The following SCN3A variants were observed in gnomAD, a reference collection of about 807,000 sequenced individuals.
The protein encoded by SCN3A is sodium channel protein type 3 subunit alpha.
Under a neutral mutation model 187.6 loss-of-function variants are expected in SCN3A, and 60 were observed. The ratio of observed to expected loss-of-function variants is 0.32; its 90% CI spans 0.26 to 0.40. The LOEUF (loss-of-function observed/expected upper bound fraction) is 0.40. SCN3A is among the 10% of genes least tolerant of loss of function. The pLI is 1.00. For synonymous variants in SCN3A, 788 were observed against 829.2 expected (o/e 0.95, Z 0.85); for missense variants, 1,601 against 2,428.2 (o/e 0.66, Z 7.16).
At chr2:165,145,743 T>G (rs746491692) in intron 12 of SCN3A, among the ~76,000 whole-genome samples, 3 of 152,000 alleles carry the variant, frequency 2.0e-5, no homozygotes, top group Non-Finnish European at 4.4e-5. Context: ...TGATTTGCAG[T>G]TTTTGATTAA....
At chr2:165,143,347 T>A (rs1457306762) in intron 12 of SCN3A, among the ~76,000 whole-genome samples, 1 of 152,182 alleles carries the variant, frequency 6.6e-6, no homozygotes, top group Non-Finnish European at 1.5e-5. Flanking sequence ...TACACAGTAT[T>A]GGTTGGGAGT....
chr2:165,146,481 A>T (rs1688342044), intron 12 of SCN3A, among the ~76,000 whole-genome samples: 1 of 148,142 alleles, frequency 6.8e-6, no homozygotes, highest in Non-Finnish European at 1.5e-5. Context: ...ATCAATATAT[A>T]TTATATATAT....
intron 10 of SCN3A, among the ~76,000 whole-genome samples, chr2:165,155,257 G>A (rs902963255): frequency 9.9e-5 from 15 of 152,132 alleles, no homozygotes; most frequent in Non-Finnish European, 7.4e-5. Context: ...GACTCAGTGA[G>A]CAATTAGGAT....
At chr2:165,135,306 A>G (rs560079112) in intron 15 of SCN3A, among the ~76,000 whole-genome samples, 2 of 152,238 alleles carry the variant, frequency 1.3e-5, no homozygotes. Context: ...TGATACTCAA[A>G]TTTGATTAAT....
rs115557522 is a variant in SCN3A, at chr2:165,198,402, C to T, written c.-248+5421G>A. Reference sequence around the variant, plus strand: ...CATGCGGTTTATTTTCCCCAACTGGCGAAAATACTGGTTAGATTGGCAAAA... The same window carrying T: ...CATGCGGTTTATTTTCCCCAACTGGTGAAAATACTGGTTAGATTGGCAAAA... On this transcript the variant is annotated intron_variant, in intron 1 of 27. Transcript: ENST00000283254. 7.1e-3 allele frequency among the ~76,000 whole-genome samples: 1,085 copies of T among 151,900 alleles called. 6 individuals carry two copies. The highest frequency in any genetic ancestry group is 0.025 in the African/African-American group (1,017 of 41,478).
At chr2:165,136,628 C>T (rs1687682949) in intron 15 of SCN3A, among the ~76,000 whole-genome samples, 1 of 152,182 alleles carries the variant, frequency 6.6e-6, no homozygotes, top group Admixed American at 6.5e-5. Flanking sequence ...AAAGTCTGTG[C>T]TCTTTTGCAA....
intron 3 of SCN3A, among the ~76,000 whole-genome samples, chr2:165,172,150 C>A (rs1690146761): frequency 6.6e-6 from 1 of 152,098 alleles, no homozygotes; most frequent in Non-Finnish European, 1.5e-5. Context: ...TGGTGCCAAC[C>A]ATTACTTAAC....
intron 9 of SCN3A, among the ~76,000 whole-genome samples, chr2:165,161,603 G>A (rs984890976): frequency 1.3e-5 from 2 of 152,088 alleles, no homozygotes; most frequent in African/African-American, 2.4e-5. Flanking sequence ...CGTGTCCTAA[G>A]AGTCACTTAC....
rs1189920039 is a variant in SCN3A at position 165,140,347 on chromosome 2, T to C, written c.2019+304A>G. ...ATAGATTTGATGGTGAAAATGTCCA[T>C]TATTTGTCTCGGTAGGTCTACCAAA... On this transcript the variant is annotated intron_variant, in intron 13 of 27. Coordinates refer to ENST00000283254, the MANE Select transcript of SCN3A (RefSeq NM_006922.4). This position sits in a 1 kb window ranked among gnomAD's most constrained non-coding sequence, Gnocchi z 4.2. Among the ~76,000 whole-genome samples, 1 of 152,150 alleles carries C rather than the reference T, an allele frequency of 6.6e-6. No homozygotes were observed. Among genetic ancestry groups the C allele is most frequent in the East Asian group, 1.9e-4 (1 of 5,190 alleles).
At chr2:165,161,137 C>CTTTTTTTTTTTTTTTTTTT (rs61608647) in intron 9 of SCN3A, among the ~76,000 whole-genome samples, 36 of 93,366 alleles carry the variant, frequency 3.9e-4, no homozygotes, top group Non-Finnish European at 5.8e-4. Context: ...TTCTTTCTTT[C>CTTTTTTTTTTTTTTTTTTT]TTTTTTTTTT....
rs756872021 is a variant in SCN3A, at chr2:165,138,035, T to C, written c.2235A>G (p.Ala745=). 6.2e-7 allele frequency: 1 copy of C among 1,613,622 alleles called. No homozygotes were observed. The highest frequency in any genetic ancestry group is 1.1e-5 in the South Asian group (1 of 91,072). Residue 745 remains alanine, a synonymous_variant, in exon 15 of 28, where the codon GCA becomes GCG. Coordinates refer to ENST00000283254, the MANE Select transcript of SCN3A (RefSeq NM_006922.4). ...TCACAAGATGTTTTACTTTTAACCATGCATCACAGCAGTCCCAGATCAAGA... is the reference window on the plus strand; with the variant it reads ...TCACAAGATGTTTTACTTTTAACCACGCATCACAGCAGTCCCAGATCAAGA... ...NVFLIWDCCD[A]WLKVKHLVNL...
intron 15 of SCN3A, among the ~76,000 whole-genome samples, chr2:165,132,942 A>G (rs551020307): frequency 2.6e-5 from 4 of 152,316 alleles, no homozygotes; most frequent in Non-Finnish European, 4.4e-5. Context: ...CAAGAAAAAA[A>G]CAAACAACCC....
At chr2:165,124,483 T>A (rs751452814) in intron 18 of SCN3A, among the ~76,000 whole-genome samples, 1 of 152,166 alleles carries the variant, frequency 6.6e-6, no homozygotes, top group Admixed American at 6.5e-5. Context: ...CTACTTTGTC[T>A]CTAGTTTTCT....
intron 4 of SCN3A, among the ~76,000 whole-genome samples, chr2:165,169,214 G>A (rs1031089069): frequency 2.0e-5 from 3 of 151,798 alleles, no homozygotes; most frequent in African/African-American, 4.8e-5. Flanking sequence ...AAACGTTAAC[G>A]AATGCAATGT....
At chr2:165,115,235 T>A (rs980620395) in intron 19 of SCN3A, among the ~76,000 whole-genome samples, 5 of 141,778 alleles carry the variant, frequency 3.5e-5, no homozygotes, top group South Asian at 2.4e-4. Flanking sequence ...TTTCTTTCTT[T>A]ATTTTTTTTT....
In SCN3A at chr2:165,113,801, A is replaced by G. The variant is rs1686228817; in HGVS notation, c.3669+15T>C. ...TCACCAGAATCTGATTCTTGCCAATATGCATTTCACTTACCAATGCACCAC... is the reference window on the plus strand; with the variant it reads ...TCACCAGAATCTGATTCTTGCCAATGTGCATTTCACTTACCAATGCACCAC... On this transcript the variant is annotated intron_variant, in intron 20 of 27. Transcript: ENST00000283254. 6.2e-7 allele frequency: 1 copy of G among 1,611,630 alleles called. No individual in the cohort carries two copies. Among genetic ancestry groups the G allele is most frequent in the Non-Finnish European group, 8.5e-7 (1 of 1,177,848 alleles).
chr2:165,179,622 G>A (rs923528627), intron 2 of SCN3A: 10 of 152,294 alleles, frequency 6.6e-5, no homozygotes, highest in East Asian at 1.9e-4. Flanking sequence ...AAAACGTCTC[G>A]TTGAAATTCC....
At chr2:165,178,253 G>T (rs988626938) in intron 2 of SCN3A, among the ~76,000 whole-genome samples, 1 of 151,748 alleles carries the variant, frequency 6.6e-6, no homozygotes, top group Non-Finnish European at 1.5e-5. Context: ...TTGAGACAGG[G>T]TCTCACTCTG....
chr2:165,141,819 G>T (rs1688029745), intron 12 of SCN3A, among the ~76,000 whole-genome samples: 1 of 152,186 alleles, frequency 6.6e-6, no homozygotes, highest in South Asian at 2.1e-4. Flanking sequence ...AGCAGGTGGT[G>T]TGAAAAACAA....
Sources: allele counts gnomAD v4.1 joint callset (sites outside exome capture counted in the v4.1 genomes callset), GRCh38; gene constraint gnomAD v4.1.1; non-coding constraint Gnocchi (gnomAD v3.1); transcripts MANE v1.5; gene names NCBI Gene and HGNC (gene_info 2026-07-23, HGNC 2026-07-21).